The following NMBR variants were observed in gnomAD, a reference collection of about 807,000 sequenced individuals.
The protein encoded by NMBR is neuromedin-B receptor.
In NMBR, 16 loss-of-function variants were observed where a neutral mutation model predicts 20.5. That is an observed-to-expected ratio of 0.78 (90% CI 0.53 to 1.19). The LOEUF (loss-of-function observed/expected upper bound fraction) is 1.19. NMBR is among the 50% of genes most tolerant of loss of function. NMBR has a pLI of 0.00. For missense variants in NMBR, 582 were observed against 499.1 expected, an observed-to-expected ratio of 1.17 and a Z score of -1.58; for synonymous variants, 212 against 196.6, an observed-to-expected ratio of 1.08 and a Z score of -0.65.
chr6:142,134,429 T>A, intron 1 of NMBR: 1 of 443,440 alleles, frequency 2.3e-6, no homozygotes, highest in Non-Finnish European at 4.0e-6. Context: ...AAACTTGGAA[T>A]TTTTAAATTA....
chr6:142,105,588 T>A (rs1777647692), intron 1 of NMBR, among the ~76,000 whole-genome samples: 1 of 152,208 alleles, frequency 6.6e-6, no homozygotes, highest in Non-Finnish European at 1.5e-5. Flanking sequence ...CTAGACAAAA[T>A]TTTTAAACAT....
intron 1 of NMBR, among the ~76,000 whole-genome samples, chr6:142,093,714 T>C (rs1777382977): frequency 1.3e-5 from 2 of 152,200 alleles, no homozygotes; most frequent in Admixed American, 1.3e-4. Context: ...TCTAGATCCC[T>C]GAGGAATTGC....
At chr6:142,096,750 C>G (rs1222263226) in intron 1 of NMBR, among the ~76,000 whole-genome samples, 4 of 152,032 alleles carry the variant, frequency 2.6e-5, no homozygotes, top group Non-Finnish European at 5.9e-5. Flanking sequence ...TCTCGTTGAT[C>G]TGTCTAATGT....
chr6:142,075,782 G>A lies in NMBR; in HGVS notation c.1039C>T (p.Gln347Ter), dbSNP rs1776926630. 2 of 1,613,936 alleles carry A rather than the reference G, an allele frequency of 1.2e-6. No individual in the cohort carries two copies. Among genetic ancestry groups the A allele is most frequent in the African/African-American group, 2.7e-5 (2 of 74,900 alleles). The change falls in exon 4 of 4, where the codon CAA (glutamine) becomes TAA (stop). Residue 347 changes from glutamine (Q) to a stop codon, truncating the protein, a stop_gained. Transcript: ENST00000258042. LOFTEE classifies it high-confidence loss of function. Reference protein sequence around the residue: ...SQLCCGRKSYQERGTSYLLSS... With the variant: ...SQLCCGRKSY The stretch of plus-strand genomic sequence containing the variant: ...AGTAGGTAGCTGGTTCCTCTCTCTT[G>A]ATAGGACTTCCTCCCACAGCAGAGT...
At chr6:142,076,070 T>TC in intron 3 of NMBR, 21 bp from the exon 4 acceptor site, 1 of 1,538,130 alleles carries the variant, frequency 6.5e-7, no homozygotes, top group Non-Finnish European at 8.7e-7. Flanking sequence ...AAGAAATTGA[T>TC]CCCATTGGTT....
intron 1 of NMBR, among the ~76,000 whole-genome samples, chr6:142,111,285 T>C (rs56113949): frequency 0.067 from 10,090 of 151,240 alleles, 484 homozygotes; most frequent in Admixed American, 0.15. Flanking sequence ...CTGAAATCAC[T>C]GAGACACAGG....
At chr6:142,142,575 T>C (rs1025221871) in intron 1 of NMBR, among the ~76,000 whole-genome samples, 7 of 152,100 alleles carry the variant, frequency 4.6e-5, no homozygotes, top group Non-Finnish European at 7.4e-5. Flanking sequence ...CAATTTCCCC[T>C]GTAGTCTCAA....
At chr6:142,115,242 A>G (rs1196316774) in intron 1 of NMBR, among the ~76,000 whole-genome samples, 1 of 152,136 alleles carries the variant, frequency 6.6e-6, no homozygotes, top group Non-Finnish European at 1.5e-5. Context: ...GAGAAAAGAA[A>G]TTTAAATTTA....
chr6:142,113,017 T>C (rs1255075733), intron 1 of NMBR, among the ~76,000 whole-genome samples: 1 of 152,020 alleles, frequency 6.6e-6, no homozygotes, highest in Non-Finnish European at 1.5e-5. Flanking sequence ...TTAAAAAATG[T>C]AAAAGCATTA....
chr6:142,129,807 G>A (rs1242935898), intron 1 of NMBR, among the ~76,000 whole-genome samples: 2 of 152,200 alleles, frequency 1.3e-5, no homozygotes, highest in South Asian at 4.1e-4. Context: ...AATGTTCTCC[G>A]AATCCTTTCA....
Position 142,117,568 on chromosome 6 carries a change from G to T in NMBR, c.-663-28247C>A, listed in dbSNP as rs192670957. 1.8e-3 allele frequency among the ~76,000 whole-genome samples: 277 copies of T among 151,994 alleles called. 2 individuals carry two copies. Among genetic ancestry groups the T allele is most frequent in the African/African-American group, 5.9e-3 (246 of 41,514 alleles). On this transcript the variant is annotated intron_variant, in intron 1 of 3. Transcript: ENST00000258042. ...AGCAGTGAATTTTCTCTGGTAACAT[G>T]TCACAGAGGGAATAAGGAACGGAAA... is the stretch of plus-strand genomic sequence containing the variant.
At chr6:142,095,816 G>T (rs991528531) in intron 1 of NMBR, among the ~76,000 whole-genome samples, 31 of 152,212 alleles carry the variant, frequency 2.0e-4, no homozygotes, top group Non-Finnish European at 4.1e-4. Flanking sequence ...ATTAATTATT[G>T]CCTCAATTTC....
At chr6:142,096,334 G>C (rs1777451788) in intron 1 of NMBR, among the ~76,000 whole-genome samples, 1 of 152,174 alleles carries the variant, frequency 6.6e-6, no homozygotes, top group African/African-American at 2.4e-5. Context: ...ATGTGTCCCA[G>C]AGATTCTGGT....
chr6:142,089,699 C>T (rs778950260), intron 1 of NMBR, among the ~76,000 whole-genome samples: 12 of 152,268 alleles, frequency 7.9e-5, no homozygotes, highest in Non-Finnish European at 1.5e-4. Context: ...GAGATCCACT[C>T]ATGTTTTTTC....
intron 1 of NMBR, among the ~76,000 whole-genome samples, chr6:142,106,029 T>A (rs1777655962): frequency 6.6e-6 from 1 of 152,194 alleles, no homozygotes; most frequent in Non-Finnish European, 1.5e-5. Context: ...TTTAAATTAC[T>A]GAAAATAATT....
rs1562388008 is a variant in NMBR at position 142,075,680 on chromosome 6, CA to C, written c.1140del (p.Asn380LysfsTer5). On this transcript the variant is annotated frameshift_variant, in exon 4 of 4. Transcript: ENST00000258042. LOFTEE classifies it high-confidence loss of function. ...GCCATTTCCTGCTTCATGCTGTGCC[CA>C]TTTAGTAAAACAGAATTGGTCACCA... Reference protein sequence around the residue: ...KNMVTNSVLLNGHSMKQEMAL With the variant: ...KNMVTNSVLLXGHSMKQEMAL The C allele has an allele frequency of 6.2e-7, 1 of 1,612,896 alleles. No homozygotes were observed.
chr6:142,124,889 A>T (rs1054991161), intron 1 of NMBR, among the ~76,000 whole-genome samples: 1 of 151,928 alleles, frequency 6.6e-6, no homozygotes, highest in South Asian at 2.1e-4. Context: ...TTACTTACAC[A>T]TCATAGAATC....
intron 1 of NMBR, among the ~76,000 whole-genome samples, chr6:142,136,364 T>G (rs561928818): frequency 6.6e-6 from 1 of 152,306 alleles, no homozygotes; most frequent in East Asian, 1.9e-4. Flanking sequence ...TCTTGTAAAT[T>G]TGTTTGAGTC....
intron 1 of NMBR, among the ~76,000 whole-genome samples, chr6:142,092,643 A>G (rs1302252661): frequency 6.6e-6 from 1 of 152,180 alleles, no homozygotes; most frequent in Non-Finnish European, 1.5e-5. Context: ...AGACAGGTTT[A>G]ACAGATGAGA....
Sources: allele counts gnomAD v4.1 joint callset (sites outside exome capture counted in the v4.1 genomes callset), GRCh38; gene constraint gnomAD v4.1.1; transcripts MANE v1.5; gene names NCBI Gene and HGNC (gene_info 2026-07-23, HGNC 2026-07-21).